The following PDE8B variants were observed in gnomAD, a reference collection of about 807,000 sequenced individuals.
PDE8B encodes high affinity cAMP-specific and IBMX-insensitive 3',5'-cyclic phosphodiesterase 8B.
Under a neutral mutation model 101.3 loss-of-function variants are expected in PDE8B, and 26 were observed. The ratio of observed to expected loss-of-function variants is 0.26; its 90% confidence interval spans 0.19 to 0.36. PDE8B has a LOEUF of 0.36. Among genes scored for constraint, PDE8B ranks in the 10% least tolerant of loss-of-function variants. The pLI, the probability that PDE8B is intolerant of heterozygous loss-of-function variation, is 1.00. For missense variants in PDE8B, 810 were observed against 1,163.1 expected (o/e 0.70, Z 4.42); for synonymous variants, 424 against 429.3 (o/e 0.99, Z 0.15).
intron 1 of PDE8B, among the ~76,000 whole-genome samples, chr5:77,260,722 G>A (rs1008691194): frequency 6.6e-6 from 1 of 151,548 alleles, no homozygotes; most frequent in African/African-American, 2.4e-5. Flanking sequence ...TGAGTAGCTG[G>A]GATTGCAGGC....
chr5:77,165,963 G>T, the PDE8B span, among the ~76,000 whole-genome samples: 4 of 142,950 alleles, frequency 2.8e-5, no homozygotes, highest in Admixed American at 1.4e-4. Flanking sequence ...GAGATCGTGA[G>T]TGAGACTGCC....
At chr5:77,352,490 A>G (rs910886567) in intron 9 of PDE8B, among the ~76,000 whole-genome samples, 2 of 152,220 alleles carry the variant, frequency 1.3e-5, no homozygotes, top group East Asian at 3.8e-4. Context: ...TTCCAGTGTT[A>G]TTTTCCCTGT....
chr5:77,116,232 T>A, the PDE8B span, among the ~76,000 whole-genome samples: 3,022 of 124,500 alleles, frequency 0.024, 18 homozygotes, highest in Middle Eastern at 0.071. Context: ...ATATTTTTTT[T>A]TTTTTTTTTT....
intron 1 of PDE8B, among the ~76,000 whole-genome samples, chr5:77,292,290 C>G (rs772239977): frequency 5.3e-5 from 8 of 152,082 alleles, no homozygotes; most frequent in Non-Finnish European, 1.0e-4. Context: ...TTCCTCCTGC[C>G]CCCAACAGTT....
chr5:77,416,060 C>T lies in PDE8B; in HGVS notation c.1912-2169C>T, dbSNP rs536863411. On this transcript the variant is annotated intron_variant, in intron 17 of 21. Coordinates refer to ENST00000264917, the MANE Select transcript of PDE8B (RefSeq NM_003719.5). ...TCCTCCTCGACGTAGGGCCTTGCTA[C>T]TCTCCTCTGCTAGTGAGCTAGCCTG... Among the ~76,000 whole-genome samples the T allele has an allele frequency of 1.2e-4, 19 of 152,276 alleles. No individual in the cohort carries two copies. The East Asian group carries it at 2.7e-3, about 22-fold the overall frequency.
At position 77,325,691 on chromosome 5, in the gene PDE8B, T is replaced by C. The variant is rs971647; in HGVS notation, c.552T>C (p.His184=). 2.8e-3 allele frequency: 4,546 copies of C among 1,613,828 alleles called. 96 individuals are homozygous for C. The African/African-American group carries it at 0.05, about 18-fold the overall frequency. The stretch of plus-strand genomic sequence containing the variant: ...ATCATGAAATTATTGTAATTGATCA[T>C]AGACAAACTCAGAACTTCGATGCAG... ...DKHHEIIVID[H]RQTQNFDAEA... is the part of the protein sequence containing the mutation. The change falls in exon 3 of 22, where the codon CAT becomes CAC. Residue 184 remains histidine (H), a synonymous_variant. Coordinates refer to ENST00000264917, the MANE Select transcript of PDE8B (RefSeq NM_003719.5).
chr5:77,233,033 C>T (rs1200346679), intron 1 of PDE8B, among the ~76,000 whole-genome samples: 1 of 152,020 alleles, frequency 6.6e-6, no homozygotes, highest in Non-Finnish European at 1.5e-5. Flanking sequence ...GTTTGTTTTC[C>T]TTCTTGTCAT....
the PDE8B span, among the ~76,000 whole-genome samples, chr5:77,202,111 A>G: frequency 4.6e-5 from 7 of 152,336 alleles, no homozygotes; most frequent in African/African-American, 1.4e-4. Flanking sequence ...GTCTCCAAAT[A>G]TAGCCACACT....
chr5:77,424,207 G>A (rs1370994238), intron 20 of PDE8B, among the ~76,000 whole-genome samples: 1 of 152,068 alleles, frequency 6.6e-6, no homozygotes, highest in Non-Finnish European at 1.5e-5. Flanking sequence ...TCATCAATGG[G>A]CTTCCCCGGA....
intron 20 of PDE8B, among the ~76,000 whole-genome samples, chr5:77,424,830 TTTG>T (rs1561703098): frequency 2.7e-5 from 4 of 150,722 alleles, no homozygotes; most frequent in South Asian, 2.1e-4. Flanking sequence ...TTTTTTGTTT[TTTG>T]TTTTTAATGT....
At chr5:77,115,110 T>C in the PDE8B span, 1 of 152,246 alleles carries the variant, frequency 6.6e-6, no homozygotes, top group East Asian at 1.9e-4. Flanking sequence ...CATGTCTGCT[T>C]TCACAAAGCT....
the PDE8B span, among the ~76,000 whole-genome samples, chr5:77,089,099 T>C: frequency 6.6e-6 from 1 of 151,730 alleles, no homozygotes. Context: ...TGTACCCTGT[T>C]AGGAACCTGG....
chr5:77,197,936 G>C, the PDE8B span, among the ~76,000 whole-genome samples: 1 of 151,244 alleles, frequency 6.6e-6, no homozygotes, highest in African/African-American at 2.4e-5. Flanking sequence ...TGATGTTCTT[G>C]TCTGCGAATT....
rs1798050651 is a variant in PDE8B at position 77,426,073 on chromosome 5, G to A, written c.2548+177G>A. The A allele has an allele frequency of 4.3e-5, 29 of 673,340 alleles. 1 individual carries two copies. The South Asian group carries it at 4.7e-4, about 11-fold the overall frequency. The allele number at this position is 673,340 out of a possible 1,614,324, so 41.7% of individuals were successfully genotyped here. ...CTTTGCATCCCCAGCAGCTGGCACA[G>A]AAGCTTGTGTGCAGAAGACTTGATG... On this transcript the variant is annotated intron_variant, in intron 21 of 21. Coordinates refer to ENST00000264917, the MANE Select transcript of PDE8B (RefSeq NM_003719.5).
chr5:77,238,872 C>T (rs1176958115), intron 1 of PDE8B, among the ~76,000 whole-genome samples: 1 of 152,194 alleles, frequency 6.6e-6, no homozygotes, highest in Non-Finnish European at 1.5e-5. Context: ...TGAATTTGCC[C>T]TTCTTCTGCC....
the PDE8B span, among the ~76,000 whole-genome samples, chr5:77,203,654 T>C: frequency 0.13 from 19,985 of 152,150 alleles, 3,378 homozygotes; most frequent in African/African-American, 0.4. Flanking sequence ...ATATTTTAAA[T>C]CCCTATATAA....
At chr5:77,345,543 A>G (rs1400736720) in intron 7 of PDE8B, among the ~76,000 whole-genome samples, 1 of 152,178 alleles carries the variant, frequency 6.6e-6, no homozygotes, top group African/African-American at 2.4e-5. Flanking sequence ...AATGCTTATA[A>G]ATGTCTAGGG....
chr5:77,240,320 C>A (rs1473597088), intron 1 of PDE8B, among the ~76,000 whole-genome samples: 4 of 151,688 alleles, frequency 2.6e-5, no homozygotes, highest in South Asian at 2.1e-4. Flanking sequence ...CGCCCGGCTA[C>A]TTTTTTGTAT....
At chr5:77,193,583 C>G in the PDE8B span, among the ~76,000 whole-genome samples, 268 of 152,224 alleles carry the variant, frequency 1.8e-3, 1 homozygote, top group African/African-American at 6.2e-3. Flanking sequence ...TGGCTTTGTA[C>G]TAAATTTTAA....
Sources: gnomAD v4.1 joint callset for allele counts (sites outside exome capture counted in the v4.1 genomes callset) on GRCh38, gnomAD v4.1.1 for gene constraint, MANE v1.5 for transcripts, NCBI Gene and HGNC (gene_info 2026-07-23, HGNC 2026-07-21) for gene names.